The following ATG5 variants were observed in gnomAD, a reference collection of about 807,000 sequenced individuals.
The protein encoded by ATG5 is autophagy related 5.
ATG5 carries 14 observed loss-of-function variants against 36.5 expected under a neutral mutation model. The observed-to-expected ratio is 0.38, with a 90% CI of 0.25 to 0.60. The LOEUF (loss-of-function observed/expected upper bound fraction) is 0.60. Ranked by LOEUF, ATG5 falls within the 20% of genes least tolerant of loss-of-function variation. The pLI is 0.60. For synonymous variants in ATG5, 95 were observed against 101.5 expected, an observed-to-expected ratio of 0.94 and a Z score of 0.38; for missense variants, 195 against 326.7, an observed-to-expected ratio of 0.60 and a Z score of 3.11.
At chr6:106,319,177 A>G (rs1277290185) in intron 1 of ATG5, among the ~76,000 whole-genome samples, 1 of 152,228 alleles carries the variant, frequency 6.6e-6, no homozygotes, top group Admixed American at 6.5e-5. Context: ...GCACTTGAAC[A>G]ATGTCTATCA....
At chr6:106,270,838 A>C (rs1779427258) in intron 5 of ATG5, among the ~76,000 whole-genome samples, 1 of 152,142 alleles carries the variant, frequency 6.6e-6, no homozygotes, top group Non-Finnish European at 1.5e-5. Flanking sequence ...CCCAAATCAT[A>C]ACCCAGGAAT....
chr6:106,276,487 G>GAAGCTC (rs1349037568), intron 5 of ATG5, among the ~76,000 whole-genome samples: 2 of 145,624 alleles, frequency 1.4e-5, no homozygotes, highest in Admixed American at 1.4e-4. Context: ...AAAAGAAACT[G>GAAGCTC]AAGCTCAAAG....
At chr6:106,283,743 T>C (rs932477979) in intron 4 of ATG5, 6 of 152,186 alleles carry the variant, frequency 3.9e-5, no homozygotes, top group African/African-American at 1.4e-4. Flanking sequence ...ACTTCACCAA[T>C]GAAACGATCT....
At chr6:106,308,300 G>T in intron 3 of ATG5, 64 bp downstream of exon 3, 1 of 1,352,698 alleles carries the variant, frequency 7.4e-7, no homozygotes, top group Non-Finnish European at 9.7e-7. Flanking sequence ...ATTGTTTCAG[G>T]GCACTATACC....
chr6:106,276,355 T>A (rs1364887025), intron 5 of ATG5, among the ~76,000 whole-genome samples: 1 of 151,246 alleles, frequency 6.6e-6, no homozygotes, highest in Admixed American at 6.6e-5. Context: ...TCCCAGCTAT[T>A]CGGGAGGCTG....
intron 3 of ATG5, among the ~76,000 whole-genome samples, chr6:106,298,553 T>C (rs1228825262): frequency 6.7e-6 from 1 of 148,602 alleles, no homozygotes; most frequent in Non-Finnish European, 1.5e-5. Context: ...TCCATCTCCA[T>C]AAAAAAAATA....
At chr6:106,217,898 C>T (rs962165315) in intron 6 of ATG5, among the ~76,000 whole-genome samples, 22 of 152,210 alleles carry the variant, frequency 1.4e-4, no homozygotes, top group South Asian at 1.0e-3. Context: ...AATAATAATA[C>T]CACCAATTCA....
At chr6:106,239,515 A>G (rs1047326300) in intron 6 of ATG5, among the ~76,000 whole-genome samples, 5 of 152,228 alleles carry the variant, frequency 3.3e-5, no homozygotes, top group Non-Finnish European at 7.3e-5. Context: ...ACTGAGAATA[A>G]CCATGAAAAG....
At chr6:106,284,734 T>G (rs1347683621) in intron 4 of ATG5, among the ~76,000 whole-genome samples, 2 of 151,742 alleles carry the variant, frequency 1.3e-5, no homozygotes, top group Non-Finnish European at 2.9e-5. Context: ...TTTTGTTTTT[T>G]TTTTTTGCTT....
intron 6 of ATG5, among the ~76,000 whole-genome samples, chr6:106,238,112 T>A (rs1188327412): frequency 6.6e-6 from 1 of 152,216 alleles, no homozygotes; most frequent in African/African-American, 2.4e-5. Flanking sequence ...GCACTAAGCA[T>A]CCATTCTATA....
chr6:106,228,433 T>G (rs1680158073), intron 6 of ATG5, among the ~76,000 whole-genome samples: 1 of 152,182 alleles, frequency 6.6e-6, no homozygotes, highest in South Asian at 2.1e-4. Context: ...CTAATTGAGC[T>G]GAACACTAGT....
intron 3 of ATG5, among the ~76,000 whole-genome samples, chr6:106,293,588 C>T (rs1766200): frequency 0.11 from 17,221 of 152,184 alleles, 1,070 homozygotes; most frequent in African/African-American, 0.16. Context: ...TTCCAGTCTT[C>T]TACCTACACA....
At chr6:106,201,060 T>G (rs1298119458) in intron 7 of ATG5, among the ~76,000 whole-genome samples, 2 of 152,236 alleles carry the variant, frequency 1.3e-5, no homozygotes, top group African/African-American at 4.8e-5. Flanking sequence ...CTTGTAATAT[T>G]TAATGCAATG....
chr6:106,254,486 T>C (rs893343201), intron 5 of ATG5, among the ~76,000 whole-genome samples: 20 of 152,110 alleles, frequency 1.3e-4, no homozygotes, highest in Admixed American at 3.3e-4. Context: ...TAATCACTAA[T>C]AGCTAAATGA....
intron 4 of ATG5, among the ~76,000 whole-genome samples, chr6:106,286,369 A>G (rs1026905172): frequency 1.3e-5 from 2 of 152,094 alleles, no homozygotes; most frequent in African/African-American, 4.8e-5. Context: ...TCTATTTCAT[A>G]TTTTTGGTCC....
intron 5 of ATG5, among the ~76,000 whole-genome samples, chr6:106,256,005 G>A (rs1440549681): frequency 6.6e-6 from 1 of 151,978 alleles, no homozygotes; most frequent in Non-Finnish European, 1.5e-5. Flanking sequence ...AGATGCAGAG[G>A]GCCAGAAACA....
intron 6 of ATG5, among the ~76,000 whole-genome samples, chr6:106,233,429 G>T (rs559384054): frequency 2.6e-4 from 40 of 152,152 alleles, no homozygotes; most frequent in Non-Finnish European, 5.3e-4. Context: ...CCTAAAGAAG[G>T]CCCTAACCCA....
chr6:106,282,647 T>C (rs1779925092), intron 4 of ATG5, among the ~76,000 whole-genome samples: 1 of 152,248 alleles, frequency 6.6e-6, no homozygotes, highest in Non-Finnish European at 1.5e-5. Context: ...TTTTCATATC[T>C]ATCCTTTGTC....
chr6:106,184,926 C>T lies in ATG5; in HGVS notation c.*1614G>A, dbSNP rs1352756858. 6.6e-6 allele frequency: 1 copy of T among 152,308 alleles called. No homozygotes were observed. Among genetic ancestry groups the T allele is most frequent in the East Asian group, 1.9e-4 (1 of 5,340 alleles). The allele number at this position is 152,308 out of a possible 1,614,324, so 9.4% of individuals were successfully genotyped here. On this transcript the variant is annotated 3_prime_UTR_variant, in exon 8 of 8. Transcript: ENST00000369076. ...TGTGAACAATCATATTCAGACCAGCCTCTTGTGCAAAAATACAAGTCAGTG... is the reference window on the plus strand; with the variant it reads ...TGTGAACAATCATATTCAGACCAGCTTCTTGTGCAAAAATACAAGTCAGTG...
Sources: allele counts gnomAD v4.1 joint callset (sites outside exome capture counted in the v4.1 genomes callset), GRCh38; gene constraint gnomAD v4.1.1; transcripts MANE v1.5; gene names NCBI Gene and HGNC (gene_info 2026-07-23, HGNC 2026-07-21).